The following TTLL8 variants were observed in gnomAD, a reference collection of about 807,000 sequenced individuals.
TTLL8 encodes the protein protein monoglycylase TTLL8.
In TTLL8, 65 loss-of-function variants were observed where a neutral mutation model predicts 77.8. The ratio of observed to expected loss-of-function variants is 0.84; its 90% CI spans 0.68 to 1.03. TTLL8 has a LOEUF of 1.03. Among genes scored for constraint, TTLL8 ranks in the 50% least tolerant of loss-of-function variants. TTLL8 has a pLI of 0.00. For synonymous variants in TTLL8, 402 were observed against 422.8 expected (o/e 0.95, Z 0.60); for missense variants, 910 against 1,004.5 (o/e 0.91, Z 1.27).
At chr22:50,025,105 C>T (rs2061223951) in intron 12 of TTLL8, among the ~76,000 whole-genome samples, 2 of 152,126 alleles carry the variant, frequency 1.3e-5, no homozygotes, top group Non-Finnish European at 2.9e-5. Context: ...AACCATAAAG[C>T]TTGTCGAAGG....
intron 3 of TTLL8, among the ~76,000 whole-genome samples, chr22:50,047,759 G>C (rs897495701): frequency 6.6e-6 from 1 of 152,190 alleles, no homozygotes; most frequent in Non-Finnish European, 1.5e-5. Context: ...CTGGGGGCCT[G>C]TTGTTGGTGC....
chr22:50,024,178 C>T (rs1415771412), intron 12 of TTLL8, among the ~76,000 whole-genome samples: 2 of 152,148 alleles, frequency 1.3e-5, no homozygotes, highest in African/African-American at 4.8e-5. Flanking sequence ...TCTCTGTCAA[C>T]CAGGCTGGAG....
rs955104513 is a variant in TTLL8, at chr22:50,045,768, C to A, written c.508+88G>T. 8 of 1,256,322 alleles carry A rather than the reference C, an allele frequency of 6.4e-6. No individual in the cohort carries two copies. The African/African-American group carries it at 1.1e-4, about 17-fold the overall frequency. The allele number at this position is 1,256,322 out of a possible 1,614,324, so 77.8% of individuals were successfully genotyped here. ...CCCGGTCCTCTATCCTCAGACCCTG[C>A]CCCATCAGTCTGTCTCAGCACCAGG... On this transcript the variant is annotated intron_variant, in intron 5 of 13. Transcript: ENST00000266182.
chr22:50,033,015 G>T, intron 10 of TTLL8, 187 bp downstream of exon 11: 1 of 463,844 alleles, frequency 2.2e-6, no homozygotes, highest in African/African-American at 2.1e-5. Context: ...AAGGCCGGTG[G>T]GCCTGGGCCT....
At chr22:50,042,587 G>A (rs750269888) in intron 6 of TTLL8, among the ~76,000 whole-genome samples, 5 of 152,192 alleles carry the variant, frequency 3.3e-5, no homozygotes, top group African/African-American at 4.8e-5. Context: ...CTATGGACTA[G>A]CAATTCTGTA....
Position 50,047,152 on chromosome 22 carries a change from A to G in TTLL8, c.393+16T>C, listed in dbSNP as rs1246586985. On this transcript the variant is annotated intron_variant, in intron 4 of 13. Transcript: ENST00000266182. ...CCCTTGCCGGCTCCCGCCACGCTCA[A>G]GCGCGGCCGGCTCACCTTGGTGGTG... is the stretch of plus-strand genomic sequence containing the variant. 1.5e-6 allele frequency: 2 copies of G among 1,367,064 alleles called. No individual in the cohort carries two copies. Among genetic ancestry groups the G allele is most frequent in the Admixed American group, 3.8e-5 (2 of 52,568 alleles). 84.7% of individuals were successfully genotyped at this position (1,367,064 alleles called of 1,614,324 possible). A position where few individuals can be genotyped will look rare whatever the true frequency, so the allele number is the denominator to read the frequency against.
chr22:50,051,430 C>T (rs1010004916), intron 1 of TTLL8, among the ~76,000 whole-genome samples: 6 of 152,168 alleles, frequency 3.9e-5, no homozygotes, highest in African/African-American at 1.2e-4. Flanking sequence ...TTTATCCGCT[C>T]GTTGGTTGAT....
At chr22:50,024,317 G>C (rs1006965661) in intron 12 of TTLL8, among the ~76,000 whole-genome samples, 7 of 151,726 alleles carry the variant, frequency 4.6e-5, no homozygotes, top group Non-Finnish European at 7.4e-5. Context: ...TTTTTTAGTA[G>C]TTTCGCCATG....
At chr22:50,056,402 C>T (rs1335888975), upstream of TTLL8, among the ~76,000 whole-genome samples, 2 of 139,118 alleles carry the variant, frequency 1.4e-5, no homozygotes, top group African/African-American at 2.7e-5. The surrounding 1 kb of genome is among the most constrained non-coding windows in gnomAD (Gnocchi z 4.1). Context: ...CGGGTGGGGA[C>T]GGGGGCGGGG....
intron 11 of TTLL8, among the ~76,000 whole-genome samples, chr22:50,031,297 A>G (rs1164806280): frequency 2.0e-5 from 3 of 152,198 alleles, no homozygotes; most frequent in Non-Finnish European, 4.4e-5. Flanking sequence ...TGGAGGAGGC[A>G]CTGCAGGCCA....
Position 50,047,157 on chromosome 22 carries a change from G to C in TTLL8, c.393+11C>G. 1 of 1,367,178 alleles carries C rather than the reference G, an allele frequency of 7.3e-7. No individual in the cohort carries two copies. The highest frequency in any genetic ancestry group is 9.8e-7 in the Non-Finnish European group (1 of 1,021,586). The allele number at this position is 1,367,178 out of a possible 1,614,324, so 84.7% of individuals were successfully genotyped here. On this transcript the variant is annotated intron_variant, in intron 4 of 13. Coordinates refer to ENST00000266182, the Ensembl canonical transcript of TTLL8. ...GCCGGCTCCCGCCACGCTCAAGCGC[G>C]GCCGGCTCACCTTGGTGGTGAAGGA...
At chr22:50,047,671 G>A (rs1051009177) in intron 3 of TTLL8, among the ~76,000 whole-genome samples, 3 of 152,160 alleles carry the variant, frequency 2.0e-5, no homozygotes, top group Non-Finnish European at 4.4e-5. Context: ...CTGTACCATG[G>A]GCCCTGCACA....
intron 10 of TTLL8, among the ~76,000 whole-genome samples, chr22:50,032,588 G>A (rs771788328): frequency 1.1e-4 from 17 of 152,172 alleles, no homozygotes; most frequent in Admixed American, 3.3e-4. Flanking sequence ...GGTCTGTGTC[G>A]CGTGACTCTC....
intron 4 of TTLL8, among the ~76,000 whole-genome samples, chr22:50,046,746 G>A (rs952657231): frequency 6.6e-6 from 1 of 152,238 alleles, no homozygotes; most frequent in African/African-American, 2.4e-5. Context: ...GCAGGCCTCA[G>A]CCCTGGGCCT....
chr22:50,032,015 T>C lies in TTLL8; in HGVS notation c.1378A>G (p.Thr460Ala), dbSNP rs752213391. ...CGCTGCAGGTACTCCTGGAACCTGG[T>C]GCTGGTCCACATGTTGTGTGCGGGC... Residue 460 changes from threonine to alanine, a missense_variant, in exon 11 of 14, where the codon ACC (threonine) becomes GCC (alanine). Transcript: ENST00000266182. 44 of 1,366,580 alleles carry C rather than the reference T, an allele frequency of 3.2e-5. 1 individual carries two copies. In the East Asian group the frequency reaches 7.3e-4, roughly 23 times the overall value. 84.7% of individuals were successfully genotyped at this position (1,366,580 alleles called of 1,614,324 possible). A position where few individuals can be genotyped will look rare whatever the true frequency, so the allele number is the denominator to read the frequency against.
At chr22:50,045,347 A>G (rs1044205451) in exon 6 of TTLL8, 1 of 1,366,056 alleles carries the variant, frequency 7.3e-7, no homozygotes, top group Non-Finnish European at 9.8e-7. Flanking sequence ...GTGGCTGACC[A>G]CCCACTTGAG....
upstream of TTLL8, chr22:50,056,900 A>G (rs899906588): frequency 1.6e-6 from 2 of 1,289,628 alleles, no homozygotes; most frequent in African/African-American, 3.0e-5. The surrounding 1 kb of genome is among the most constrained non-coding windows in gnomAD (Gnocchi z 4.1). Flanking sequence ...CATCTGAAGA[A>G]GAAGCCAACG....
At chr22:50,033,383 A>G (rs62239022) in exon 10 of TTLL8, 2 of 1,365,236 alleles carry the variant, frequency 1.5e-6, no homozygotes, top group South Asian at 2.3e-5. Context: ...TTGTCCCTGG[A>G]AAGAGGGTGG....
upstream of TTLL8, among the ~76,000 whole-genome samples, chr22:50,058,214 C>A (rs2061497541): frequency 6.6e-6 from 1 of 151,568 alleles, no homozygotes; most frequent in Non-Finnish European, 1.5e-5. The surrounding 1 kb of genome is among the most constrained non-coding windows in gnomAD (Gnocchi z 4.2). Flanking sequence ...CCTGGGACAA[C>A]GTGCTGGGGC....
Sources: gnomAD v4.1 joint callset for allele counts (sites outside exome capture counted in the v4.1 genomes callset) on GRCh38, gnomAD v4.1.1 for gene constraint, Gnocchi (gnomAD v3.1) non-coding constraint, MANE v1.5 for transcripts, NCBI Gene and HGNC (gene_info 2026-07-23, HGNC 2026-07-21) for gene names.